SEZ6: variants seen among roughly 807,000 people sequenced by gnomAD.
The protein encoded by SEZ6 is seizure protein 6 homolog.
In SEZ6, 53 loss-of-function variants were observed where a neutral mutation model predicts 101.0. The observed-to-expected ratio is 0.52, with a 90% CI of 0.42 to 0.66. SEZ6 has a LOEUF of 0.66. Ranked by LOEUF, SEZ6 falls within the 30% of genes least tolerant of loss-of-function variation. The pLI is 0.00. For missense variants in SEZ6, 1,102 were observed against 1,289.4 expected (o/e 0.85, Z 2.23); for synonymous variants, 488 against 512.2 (o/e 0.95, Z 0.64).
chr17:28,996,145 G>A (rs955755897), intron 1 of SEZ6, among the ~76,000 whole-genome samples: 2 of 151,182 alleles, frequency 1.3e-5, no homozygotes, highest in Non-Finnish European at 3.0e-5. Context: ...GGACTACAGC[G>A]GGTGCCTGTA....
intron 3 of SEZ6, among the ~76,000 whole-genome samples, chr17:28,975,860 G>T (rs1019192079): frequency 6.6e-6 from 1 of 152,276 alleles, no homozygotes; most frequent in Non-Finnish European, 1.5e-5. Context: ...GGTACAGAGA[G>T]CAGCCAAGCC....
intron 1 of SEZ6, among the ~76,000 whole-genome samples, chr17:28,992,758 G>A (rs1413428984): frequency 6.6e-6 from 1 of 152,194 alleles, no homozygotes; most frequent in Non-Finnish European, 1.5e-5. Context: ...ATGAGGCTGT[G>A]ACCAGGGGCC....
intron 1 of SEZ6, among the ~76,000 whole-genome samples, chr17:29,000,346 C>G (rs1458609534): frequency 6.6e-6 from 1 of 152,208 alleles, no homozygotes; most frequent in African/African-American, 2.4e-5. Flanking sequence ...GTGACTTAAT[C>G]TCATCAAAAC....
chr17:28,982,134 C>G, intron 1 of SEZ6, 95 bp from the exon 2 acceptor site: 1 of 1,451,356 alleles, frequency 6.9e-7, no homozygotes. Context: ...TCTCTTTTGA[C>G]AGACAGCCCT....
intron 7 of SEZ6, 107 bp downstream of exon 7, chr17:28,960,398 G>T: frequency 7.0e-7 from 1 of 1,423,518 alleles, no homozygotes; most frequent in South Asian, 1.2e-5. Flanking sequence ...TGACTTGGAA[G>T]GAGTGACAGC....
chr17:28,992,689 G>A (rs1338507820), intron 1 of SEZ6, among the ~76,000 whole-genome samples: 6 of 152,200 alleles, frequency 3.9e-5, no homozygotes, highest in Non-Finnish European at 5.9e-5. Flanking sequence ...GGGGGAGGGA[G>A]AGACTAGTTG....
intron 4 of SEZ6, 97 bp from the exon 5 acceptor site, chr17:28,964,244 G>T (rs1372796115): frequency 1.5e-6 from 2 of 1,314,186 alleles, no homozygotes; most frequent in Non-Finnish European, 2.1e-6. Context: ...CTGCCTGGAG[G>T]TGTCATTTGG....
chr17:28,978,750 G>T (rs1337857823), intron 3 of SEZ6, among the ~76,000 whole-genome samples: 1 of 152,148 alleles, frequency 6.6e-6, no homozygotes, highest in South Asian at 2.1e-4. Context: ...TGACTGCAGT[G>T]GAGGTGGAGA....
At chr17:28,957,626 C>G (rs1325574408) in intron 11 of SEZ6, 87 bp from the exon 12 acceptor site, 8 of 1,416,218 alleles carry the variant, frequency 5.6e-6, no homozygotes, top group Non-Finnish European at 6.7e-6. Flanking sequence ...GGCCAGCTAA[C>G]TTCTTCATGT....
Position 28,959,953 on chromosome 17 carries a change from C to T in SEZ6, c.1577-61G>A. 1.3e-6 allele frequency: 2 copies of T among 1,518,888 alleles called. No homozygotes were observed. The highest frequency in any genetic ancestry group is 1.8e-6 in the Non-Finnish European group (2 of 1,121,174). 94.1% of individuals were successfully genotyped at this position (1,518,888 alleles called of 1,614,324 possible). On this transcript the variant is annotated intron_variant, in intron 7 of 16. Coordinates refer to ENST00000317338, the MANE Select transcript of SEZ6 (RefSeq NM_178860.5). This position sits in a 1 kb window ranked among gnomAD's most constrained non-coding sequence, Gnocchi z 4.4. ...ACTGGTATTAAACACAGTGGGCAAG[C>T]ATCCCCCTACTTCCCTCCCCAGAGC...
chr17:28,959,288 C>A lies in SEZ6; in HGVS notation c.1910+46G>T. 1 of 1,613,740 alleles carries A rather than the reference C, an allele frequency of 6.2e-7. No homozygotes were observed. The highest frequency in any genetic ancestry group is 8.5e-7 in the Non-Finnish European group (1 of 1,179,804). Reference sequence around the variant, plus strand: ...CGAGGATGGGCTGGACAAGGGATATCCCCAGACCTCAGGAGTTGGCTCGGC... The same window carrying A: ...CGAGGATGGGCTGGACAAGGGATATACCCAGACCTCAGGAGTTGGCTCGGC... On this transcript the variant is annotated intron_variant, in intron 9 of 16. Transcript: ENST00000317338. This position sits in a 1 kb window ranked among gnomAD's most constrained non-coding sequence, Gnocchi z 4.4.
At position 28,981,495 on chromosome 17, in the gene SEZ6, CACAACCT is replaced by C. The variant is rs2041302395; in HGVS notation, c.593_599del (p.Glu198GlyfsTer99). On this transcript the variant is annotated frameshift_variant, in exon 2 of 17. Transcript: ENST00000317338. LOFTEE classifies it high-confidence loss of function. ...GGATCCCGATCCCTGCGCCCTGGGA[CACAACCT>C]CTGCAACCCACGGCCTTCCCATGTC... 1 of 1,604,830 alleles carries C rather than the reference CACAACCT, an allele frequency of 6.2e-7. No homozygotes were observed. The highest frequency in any genetic ancestry group is 1.7e-5 in the Admixed American group (1 of 58,584).
intron 1 of SEZ6, among the ~76,000 whole-genome samples, chr17:29,003,210 C>T (rs577202328): frequency 3.3e-5 from 5 of 152,362 alleles, no homozygotes; most frequent in African/African-American, 1.2e-4. Flanking sequence ...GCTCGGCACA[C>T]GCAGCCCCTT....
At position 29,005,966 on chromosome 17, in the gene SEZ6, G is replaced by T. The variant is rs2041685367; in HGVS notation, c.-97C>A. 2 of 1,111,398 alleles carry T rather than the reference G, an allele frequency of 1.8e-6. No individual in the cohort carries two copies. Among genetic ancestry groups the T allele is most frequent in the Admixed American group, 4.3e-5 (1 of 23,244 alleles). The allele number at this position is 1,111,398 out of a possible 1,614,324, so 68.8% of individuals were successfully genotyped here. A position where few individuals can be genotyped will look rare whatever the true frequency, so the allele number is the denominator to read the frequency against. ...CGGGGGCAGAGCCGGGTCCGGCCGG[G>T]TAGAGGGAGCGGGGCCGCAGCCGTC... On this transcript the variant is annotated 5_prime_UTR_variant, in exon 1 of 17. Transcript: ENST00000317338. The surrounding 1 kb of genome is among the most constrained non-coding windows in gnomAD (Gnocchi z 4.8).
intron 3 of SEZ6, among the ~76,000 whole-genome samples, chr17:28,971,098 C>T (rs2041145306): frequency 6.6e-6 from 1 of 152,194 alleles, no homozygotes; most frequent in African/African-American, 2.4e-5. Context: ...AAATTAGCAG[C>T]ATGGCTTGAT....
At chr17:28,977,619 G>A (rs1297529796) in intron 3 of SEZ6, among the ~76,000 whole-genome samples, 2 of 152,236 alleles carry the variant, frequency 1.3e-5, no homozygotes, top group Non-Finnish European at 2.9e-5. Flanking sequence ...CAGAGAGGGG[G>A]CAGGCAGAGC....
At chr17:28,982,376 G>A (rs1043662413) in intron 1 of SEZ6, among the ~76,000 whole-genome samples, 12 of 152,154 alleles carry the variant, frequency 7.9e-5, no homozygotes, top group African/African-American at 2.2e-4. Context: ...AGACTGACAT[G>A]ACAAATATTT....
chr17:28,962,193 T>TG (rs1795001879), intron 5 of SEZ6, among the ~76,000 whole-genome samples: 1 of 152,246 alleles, frequency 6.6e-6, no homozygotes, highest in Non-Finnish European at 1.5e-5. Context: ...TGCTATTTCA[T>TG]GCCTGCACAT....
chr17:28,973,230 G>T lies in SEZ6; in HGVS notation c.859-3278C>A, dbSNP rs754485601. Among the ~76,000 whole-genome samples the T allele has an allele frequency of 2.0e-5, 3 of 152,188 alleles. No homozygotes were observed. The South Asian group carries it at 6.2e-4, about 32-fold the overall frequency. The stretch of plus-strand genomic sequence containing the variant: ...GGAACTTGCAAAAGGTCACATAGGG[G>T]TTAAGCAGTCTTGCTTTGCTGAGAC... On this transcript the variant is annotated intron_variant, in intron 3 of 16. Coordinates refer to ENST00000317338, the MANE Select transcript of SEZ6 (RefSeq NM_178860.5).
Sources: allele counts gnomAD v4.1 joint callset (sites outside exome capture counted in the v4.1 genomes callset), GRCh38; gene constraint gnomAD v4.1.1; non-coding constraint Gnocchi (gnomAD v3.1); transcripts MANE v1.5; gene names NCBI Gene and HGNC (gene_info 2026-07-23, HGNC 2026-07-21).